RARB: variants seen among roughly 807,000 people sequenced by gnomAD.
RARB encodes the protein HBV-activated protein.
Under a neutral mutation model 51.9 loss-of-function variants are expected in RARB, and 17 were observed. The observed-to-expected ratio is 0.33, with a 90% confidence interval of 0.22 to 0.49. The LOEUF is 0.49. Ranked by LOEUF, RARB falls within the 20% of genes least tolerant of loss-of-function variation. The probability of loss-of-function intolerance (pLI) is 0.99; values close to 1 mark genes in which losing one functional copy is unlikely to be tolerated. For synonymous variants in RARB, 215 were observed against 195.4 expected (o/e 1.10, Z -0.84); for missense variants, 369 against 550.8 (o/e 0.67, Z 3.30).
chr3:25,058,557 A>C (rs1698486142), intron 2 of RARB, among the ~76,000 whole-genome samples: 1 of 150,740 alleles, frequency 6.6e-6, no homozygotes, highest in Non-Finnish European at 1.5e-5. Flanking sequence ...AAAGCAAATA[A>C]GTACAGTTAT....
chr3:25,128,453 T>C (rs939652282), intron 3 of RARB, among the ~76,000 whole-genome samples: 1 of 148,660 alleles, frequency 6.7e-6, no homozygotes, highest in Non-Finnish European at 1.5e-5. Flanking sequence ...AATTTATATA[T>C]TTCTAGTATA....
intron 5 of RARB, among the ~76,000 whole-genome samples, chr3:25,416,380 C>A (rs575401903): frequency 2.0e-5 from 3 of 152,262 alleles, no homozygotes; most frequent in Admixed American, 2.0e-4. Flanking sequence ...CAAAGTGAGA[C>A]TTTGTCTCAT....
chr3:25,257,401 A>T (rs913311485), intron 5 of RARB, among the ~76,000 whole-genome samples: 1 of 152,030 alleles, frequency 6.6e-6, no homozygotes. Context: ...AGAAGAGGAG[A>T]TACTCATAGA....
intron 5 of RARB, among the ~76,000 whole-genome samples, chr3:25,209,273 C>T (rs755938170): frequency 6.6e-6 from 1 of 152,198 alleles, no homozygotes; most frequent in Non-Finnish European, 1.5e-5. Context: ...CTCACTCCTC[C>T]TCTTTGTTGT....
At chr3:24,876,893 C>T (rs892796368) in intron 2 of RARB, among the ~76,000 whole-genome samples, 2 of 152,054 alleles carry the variant, frequency 1.3e-5, no homozygotes, top group South Asian at 4.1e-4. Context: ...CATAAACATA[C>T]TCAGAAGCAA....
intron 5 of RARB, among the ~76,000 whole-genome samples, chr3:25,309,726 AC>A (rs1704244474): frequency 1.3e-5 from 2 of 151,252 alleles, no homozygotes; most frequent in Non-Finnish European, 3.0e-5. Context: ...CAAACTCCTG[AC>A]CTCGTGATCC....
chr3:24,944,958 G>A (rs1695743018), intron 2 of RARB, among the ~76,000 whole-genome samples: 1 of 152,158 alleles, frequency 6.6e-6, no homozygotes, highest in Admixed American at 6.5e-5. Flanking sequence ...GGGAAAAAGT[G>A]CCCACAAAGC....
chr3:24,941,008 C>T (rs974754023), intron 2 of RARB, among the ~76,000 whole-genome samples: 3 of 152,034 alleles, frequency 2.0e-5, no homozygotes, highest in East Asian at 3.9e-4. Flanking sequence ...AATTTTGAAT[C>T]GTTTACCATC....
intron 5 of RARB, among the ~76,000 whole-genome samples, chr3:25,405,707 G>T (rs932091673): frequency 1.1e-4 from 16 of 152,262 alleles, no homozygotes; most frequent in African/African-American, 2.9e-4. Context: ...CACTCCTTGT[G>T]TTCAGTAGCT....
At chr3:25,134,895 T>G (rs962964917) in intron 4 of RARB, among the ~76,000 whole-genome samples, 13 of 152,000 alleles carry the variant, frequency 8.6e-5, no homozygotes, top group African/African-American at 2.4e-4. Context: ...CTGCACAGAC[T>G]TTTTCCCCAT....
At chr3:25,262,574 G>T (rs1035883465) in intron 5 of RARB, among the ~76,000 whole-genome samples, 3 of 152,046 alleles carry the variant, frequency 2.0e-5, no homozygotes, top group Non-Finnish European at 2.9e-5. Context: ...CACGTTCATG[G>T]TCCCCTTCCT....
intron 3 of RARB, among the ~76,000 whole-genome samples, chr3:25,517,563 G>T (rs1303807942): frequency 6.6e-6 from 1 of 152,126 alleles, no homozygotes; most frequent in African/African-American, 2.4e-5. Flanking sequence ...ATGGTACATT[G>T]CCACTATGGG....
At chr3:25,037,954 G>T (rs75345598) in intron 2 of RARB, among the ~76,000 whole-genome samples, 3,562 of 152,240 alleles carry the variant, frequency 0.023, 134 homozygotes, top group African/African-American at 0.082. Flanking sequence ...GAGAGAAATT[G>T]TCATGTTTAA....
intron 2 of RARB, among the ~76,000 whole-genome samples, chr3:24,967,364 C>T (rs1696298665): frequency 6.6e-6 from 1 of 152,156 alleles, no homozygotes; most frequent in Non-Finnish European, 1.5e-5. Context: ...GCCCAAGCCT[C>T]TGTTTCCCTT....
chr3:24,923,274 C>T (rs946254290), intron 2 of RARB, among the ~76,000 whole-genome samples: 2 of 150,614 alleles, frequency 1.3e-5, no homozygotes, highest in Non-Finnish European at 3.0e-5. Flanking sequence ...TATAATGGCC[C>T]AGCTTAATTT....
intron 2 of RARB, among the ~76,000 whole-genome samples, chr3:24,875,090 T>C (rs752893481): frequency 1.4e-4 from 22 of 152,166 alleles, no homozygotes; most frequent in Admixed American, 6.5e-5. Flanking sequence ...TTTGGTTCTA[T>C]CTTTTTCTAA....
intron 5 of RARB, among the ~76,000 whole-genome samples, chr3:25,413,306 AGTTT>A (rs780570285): frequency 5.3e-5 from 8 of 152,090 alleles, no homozygotes; most frequent in South Asian, 2.1e-4. Flanking sequence ...ACATGGTTCA[AGTTT>A]GTTTGTTCTC....
intron 2 of RARB, among the ~76,000 whole-genome samples, chr3:24,970,606 A>ACACACACACACACACACACACACAC (rs1696376566): frequency 9.6e-6 from 1 of 103,970 alleles, no homozygotes; most frequent in African/African-American, 3.0e-5. Flanking sequence ...CACACACACA[A>ACACACACACACACACACACACACAC]ACACACCCCC....
chr3:25,075,742 T>A (rs1267168062), intron 3 of RARB, among the ~76,000 whole-genome samples: 2 of 151,948 alleles, frequency 1.3e-5, no homozygotes, highest in Admixed American at 1.3e-4. Context: ...GATAAAATAT[T>A]ATTTCAGCAC....
Sources: gnomAD v4.1 joint callset for allele counts (sites outside exome capture counted in the v4.1 genomes callset) on GRCh38, gnomAD v4.1.1 for gene constraint, MANE v1.5 for transcripts, NCBI Gene and HGNC (gene_info 2026-07-23, HGNC 2026-07-21) for gene names.